Variants in AMY2B observed in about 807,000 individuals in gnomAD.
AMY2B encodes the protein alpha-amylase 2B.
Under a neutral mutation model 59.3 loss-of-function variants are expected in AMY2B, and 63 were observed. The observed-to-expected ratio is 1.06, with a 90% CI of 0.87 to 1.31. AMY2B has a LOEUF of 1.31. AMY2B is among the 50% of genes most tolerant of loss of function. The probability of loss-of-function intolerance (pLI) is 0.00; values close to 1 mark genes in which losing one functional copy is unlikely to be tolerated. For synonymous variants in AMY2B, 180 were observed against 198.1 expected (o/e 0.91, Z 0.77); for missense variants, 635 against 626.7 (o/e 1.01, Z -0.14).
upstream of AMY2B, chr1:103,570,328 G>A (rs1461983826): frequency 4.6e-5 from 30 of 655,406 alleles, no homozygotes; most frequent in East Asian, 1.5e-4. Context: ...GTCCCGAGAC[G>A]CTGTTCCAGC....
intron 2 of AMY2B, among the ~76,000 whole-genome samples, chr1:103,566,339 A>G (rs1252390449): frequency 6.6e-6 from 1 of 152,140 alleles, no homozygotes. Context: ...AACTTCTAGA[A>G]CAGCTCTGTC....
At chr1:103,574,165 T>C in intron 4 of AMY2B, 95 bp from the exon 5 acceptor site, 1 of 1,539,568 alleles carries the variant, frequency 6.5e-7, no homozygotes, top group Non-Finnish European at 8.7e-7. Flanking sequence ...AAATAACAAA[T>C]AGCTTAAAGC....
intron 1 of AMY2B, 80 bp downstream of exon 1, chr1:103,571,850 A>G (rs1427296544): frequency 1.2e-5 from 19 of 1,610,762 alleles, no homozygotes; most frequent in South Asian, 4.4e-5. Context: ...CGTGAAGCTT[A>G]GGCAACATTT....
chr1:103,568,762 T>A (rs930809376), upstream of AMY2B: 20 of 151,634 alleles, frequency 1.3e-4, no homozygotes, highest in South Asian at 1.5e-3. Context: ...ATAAAGACTA[T>A]ATAGACTATA....
chr1:103,573,176 A>G lies in AMY2B; in HGVS notation c.429A>G (p.Ala143=), dbSNP rs746863486. The G allele has an allele frequency of 1.9e-6, 3 of 1,613,708 alleles. No individual in the cohort carries two copies. In the African/African-American group the frequency reaches 4.0e-5, roughly 22 times the overall value. ...YFNPGSRDFP[A]VPYSGWDFND... is the part of the protein sequence containing the mutation. ...ACCCTGGAAGTAGGGACTTTCCAGC[A>G]GTCCCATATTCTGGATGGGATTTTA... The change falls in exon 3 of 10, where the codon GCA becomes GCG. Residue 143 remains alanine, a synonymous_variant. Coordinates refer to ENST00000684275, the MANE Select transcript of AMY2B (RefSeq NM_001387437.1).
intron 4 of AMY2B, 97 bp from the exon 5 acceptor site, chr1:103,574,163 A>G: frequency 1.0e-5 from 16 of 1,536,126 alleles, no homozygotes; most frequent in Non-Finnish European, 1.4e-5. Context: ...ATAAATAACA[A>G]ATAGCTTAAA....
chr1:103,572,485 G>T (rs1244369054), intron 2 of AMY2B, among the ~76,000 whole-genome samples: 1 of 152,084 alleles, frequency 6.6e-6, no homozygotes, highest in Non-Finnish European at 1.5e-5. Context: ...TACTTCTAAA[G>T]CAAAACATCA....
chr1:103,571,847 C>G, intron 1 of AMY2B, 77 bp downstream of exon 1: 20 of 1,610,832 alleles, frequency 1.2e-5, no homozygotes, highest in Non-Finnish European at 1.5e-5. Flanking sequence ...ATCCGTGAAG[C>G]TTAGGCAACA....
chr1:103,564,579 T>G (rs74109125), intron 1 of AMY2B, among the ~76,000 whole-genome samples: 2,305 of 152,192 alleles, frequency 0.015, 59 homozygotes, highest in African/African-American at 0.053. Context: ...GGTGACTTCA[T>G]CCAATATCTT....
chr1:103,574,433 T>C (rs1400968406), intron 5 of AMY2B, 40 bp downstream of exon 5: 2 of 1,608,788 alleles, frequency 1.2e-6, no homozygotes, highest in Admixed American at 3.3e-5. Flanking sequence ...ATTTCATAGA[T>C]TTATTAGTCA....
At chr1:103,559,222 G>A (rs1402539924) in intron 1 of AMY2B, among the ~76,000 whole-genome samples, 1 of 152,100 alleles carries the variant, frequency 6.6e-6, no homozygotes, top group Non-Finnish European at 1.5e-5. Context: ...AGTTTATTAT[G>A]CCATATTTTT....
intron 2 of AMY2B, 123 bp from the exon 3 acceptor site, chr1:103,572,940 A>G (rs986254755): frequency 1.3e-6 from 2 of 1,565,124 alleles, no homozygotes; most frequent in Non-Finnish European, 1.7e-6. Context: ...CTTGTAGGAA[A>G]ATAGTTATAA....
chr1:103,577,750 T>C lies in AMY2B; in HGVS notation c.1251T>C (p.Asp417=). 6.2e-7 allele frequency: 1 copy of C among 1,610,554 alleles called. No individual in the cohort carries two copies. Among genetic ancestry groups the C allele is most frequent in the South Asian group, 1.1e-5 (1 of 90,988 alleles). ...TGGTTAATTTCCGCAATGTAGTGGA[T>C]GGCCAGCCTTTTACAAACTGGTATG... ...RNMVNFRNVV[D]GQPFTNWYDN... Residue 417 remains aspartate, a synonymous_variant, in exon 9 of 10, where the codon GAT becomes GAC. Transcript: ENST00000684275.
At chr1:103,567,403 C>G (rs1447228401), upstream of AMY2B, among the ~76,000 whole-genome samples, 1 of 152,122 alleles carries the variant, frequency 6.6e-6, no homozygotes, top group Non-Finnish European at 1.5e-5. Context: ...CTCCTGATAC[C>G]CTTCGTCAAA....
intron 1 of AMY2B, among the ~76,000 whole-genome samples, chr1:103,558,959 C>A (rs1378130739): frequency 6.6e-6 from 1 of 152,062 alleles, no homozygotes; most frequent in African/African-American, 2.4e-5. Context: ...CAAGTTTTGA[C>A]ATGGCATTTA....
At chr1:103,577,913 T>C (rs1407395506) in intron 9 of AMY2B, 68 bp downstream of exon 9, 1 of 1,585,758 alleles carries the variant, frequency 6.3e-7, no homozygotes, top group African/African-American at 1.3e-5. Context: ...TTTTTTTCTG[T>C]TCATTGACAT....
intron 1 of AMY2B, among the ~76,000 whole-genome samples, chr1:103,556,254 A>G (rs1455412809): frequency 6.6e-6 from 1 of 152,220 alleles, no homozygotes; most frequent in Non-Finnish European, 1.5e-5. Context: ...TGAGTTCAGC[A>G]TAGGTGCTAT....
intron 1 of AMY2B, among the ~76,000 whole-genome samples, chr1:103,556,114 T>C (rs143698748): frequency 6.6e-6 from 1 of 152,188 alleles, no homozygotes; most frequent in African/African-American, 2.4e-5. Context: ...GAGGAAGTCA[T>C]GAAGGATTAA....
chr1:103,577,981 T>C (rs937969329), intron 9 of AMY2B, 136 bp downstream of exon 9: 51 of 1,519,352 alleles, frequency 3.4e-5, no homozygotes, highest in Middle Eastern at 2.4e-4. Flanking sequence ...GACATCAAAA[T>C]TGGGCAGAAG....
Sources: allele counts gnomAD v4.1 joint callset (sites outside exome capture counted in the v4.1 genomes callset), GRCh38; gene constraint gnomAD v4.1.1; transcripts MANE v1.5; gene names NCBI Gene and HGNC (gene_info 2026-07-23, HGNC 2026-07-21).